The following THSD4 variants were observed in gnomAD, a reference collection of about 807,000 sequenced individuals.
THSD4 encodes the protein thrombospondin type 1 domain containing 4, also known as thrombospondin type-1 domain-containing protein 4.
THSD4 carries 69 observed loss-of-function variants against 119.0 expected under a neutral mutation model. The ratio of observed to expected loss-of-function variants is 0.58; its 90% CI spans 0.48 to 0.71. The LOEUF is 0.71. Ranked by LOEUF, THSD4 falls within the 30% of genes least tolerant of loss-of-function variation. The pLI is 0.00. For synonymous variants in THSD4, 524 were observed against 540.4 expected, an observed-to-expected ratio of 0.97 and a Z score of 0.42; for missense variants, 1,393 against 1,391.1, an observed-to-expected ratio of 1.00 and a Z score of -0.02.
chr15:71,254,939 G>A (rs970802854), intron 5 of THSD4, among the ~76,000 whole-genome samples: 3 of 152,098 alleles, frequency 2.0e-5, no homozygotes, highest in African/African-American at 2.4e-5. Context: ...CATATGGTTC[G>A]GCTCAGGCCA....
chr15:71,586,379 G>A (rs1031360847), intron 7 of THSD4, among the ~76,000 whole-genome samples: 1 of 152,136 alleles, frequency 6.6e-6, no homozygotes, highest in Non-Finnish European at 1.5e-5. Context: ...CTGAAATCAA[G>A]GCATTTACCA....
intron 3 of THSD4, among the ~76,000 whole-genome samples, chr15:71,199,879 G>GCT (rs2043780772): frequency 3.8e-4 from 19 of 49,450 alleles, no homozygotes; most frequent in South Asian, 9.6e-4. Flanking sequence ...GTGTGTGTGT[G>GCT]GTGCATGTGT....
chr15:71,672,472 C>T (rs1230244348), intron 8 of THSD4, among the ~76,000 whole-genome samples: 1 of 152,136 alleles, frequency 6.6e-6, no homozygotes, highest in Non-Finnish European at 1.5e-5. Flanking sequence ...ATTGAATACC[C>T]TTTTATTTCT....
intron 7 of THSD4, among the ~76,000 whole-genome samples, chr15:71,543,315 C>A (rs1425946833): frequency 6.6e-6 from 1 of 152,018 alleles, no homozygotes; most frequent in Non-Finnish European, 1.5e-5. Flanking sequence ...TTTAGAAGAT[C>A]CCAGTGGCTG....
At chr15:71,473,358 C>T (rs930748737) in intron 7 of THSD4, among the ~76,000 whole-genome samples, 8 of 152,118 alleles carry the variant, frequency 5.3e-5, no homozygotes, top group African/African-American at 1.9e-4. Flanking sequence ...GTGCCTGGCC[C>T]AGCTTTGAGA....
intron 6 of THSD4, among the ~76,000 whole-genome samples, chr15:71,297,315 C>CTTTTTTTTTTTTT (rs772196153): frequency 1.0e-4 from 14 of 137,686 alleles, no homozygotes; most frequent in African/African-American, 2.4e-4. Context: ...CTCTCCTCTT[C>CTTTTTTTTTTTTT]TTTTTTTTGT....
chr15:71,669,182 T>C (rs2141010482), intron 8 of THSD4, among the ~76,000 whole-genome samples: 1 of 152,350 alleles, frequency 6.6e-6, no homozygotes, highest in South Asian at 2.1e-4. Flanking sequence ...ATAAGTGTAC[T>C]TAATTCTTAC....
intron 6 of THSD4, among the ~76,000 whole-genome samples, chr15:71,409,505 T>A (rs1301165300): frequency 6.6e-6 from 1 of 152,216 alleles, no homozygotes; most frequent in African/African-American, 2.4e-5. Context: ...ATGATTTCGT[T>A]TGAAATAAAT....
intron 1 of THSD4, among the ~76,000 whole-genome samples, chr15:71,106,100 G>A (rs2040273324): frequency 6.6e-6 from 1 of 152,210 alleles, no homozygotes; most frequent in African/African-American, 2.4e-5. Flanking sequence ...CCAGACTTAG[G>A]TGGCATAAAG....
At chr15:71,299,976 A>AATATATATATATATATATATATAT (rs1185451144) in intron 6 of THSD4, among the ~76,000 whole-genome samples, 5 of 48,306 alleles carry the variant, frequency 1.0e-4, no homozygotes, top group African/African-American at 3.9e-4. Flanking sequence ...AAAAAAAAAA[A>AATATATATATATATATATATATAT]ATATATATAT....
At chr15:71,615,560 C>T (rs1490673526) in intron 7 of THSD4, among the ~76,000 whole-genome samples, 1 of 152,052 alleles carries the variant, frequency 6.6e-6, no homozygotes, top group South Asian at 2.1e-4. Flanking sequence ...TACTTCTTTT[C>T]CCATTATCTT....
At chr15:71,728,877 G>A (rs954093672) in intron 9 of THSD4, 153 bp downstream of exon 9, 31 of 954,336 alleles carry the variant, frequency 3.2e-5, no homozygotes, top group Admixed American at 8.3e-5. Flanking sequence ...AATGCTTGGC[G>A]TTCATCTTTG....
intron 7 of THSD4, among the ~76,000 whole-genome samples, chr15:71,494,986 C>T (rs1291281588): frequency 1.3e-5 from 2 of 152,160 alleles, no homozygotes; most frequent in African/African-American, 2.4e-5. Context: ...TAATGGTCCA[C>T]GCACCTCCCA....
At chr15:71,167,745 AT>A (rs1482809480) in intron 3 of THSD4, among the ~76,000 whole-genome samples, 2 of 152,228 alleles carry the variant, frequency 1.3e-5, no homozygotes, top group East Asian at 1.9e-4. Flanking sequence ...AACATTATTA[AT>A]TTGTGTACAC....
chr15:71,306,089 C>G (rs957094850), intron 6 of THSD4, among the ~76,000 whole-genome samples: 1 of 151,966 alleles, frequency 6.6e-6, no homozygotes, highest in Non-Finnish European at 1.5e-5. Flanking sequence ...GGGCAGATCA[C>G]GAGGTCAGGA....
At chr15:71,535,016 TCATTTTTTTA>T (rs1422025345) in intron 7 of THSD4, among the ~76,000 whole-genome samples, 1 of 152,346 alleles carries the variant, frequency 6.6e-6, no homozygotes, top group East Asian at 1.9e-4. Context: ...TTCACTGATT[TCATTTTTTTA>T]GTATATTTAT....
intron 14 of THSD4, among the ~76,000 whole-genome samples, chr15:71,754,647 G>A (rs896574610): frequency 6.6e-5 from 10 of 152,180 alleles, no homozygotes; most frequent in African/African-American, 2.4e-4. Context: ...AAAAATGTCT[G>A]CAAACCTGTA....
intron 1 of THSD4, among the ~76,000 whole-genome samples, chr15:71,104,516 ACT>A (rs1222295900): frequency 6.6e-6 from 1 of 152,126 alleles, no homozygotes; most frequent in East Asian, 1.9e-4. Flanking sequence ...GAAAAACCAA[ACT>A]CTGAAAATAT....
chr15:71,199,838 G>GC (rs1186852668), intron 3 of THSD4, among the ~76,000 whole-genome samples: 206 of 147,252 alleles, frequency 1.4e-3, no homozygotes, highest in African/African-American at 4.7e-3. Context: ...GTGTGTGTGT[G>GC]TGTGCTGTGT....
Sources: gnomAD v4.1 joint callset for allele counts (sites outside exome capture counted in the v4.1 genomes callset) on GRCh38, gnomAD v4.1.1 for gene constraint, MANE v1.5 for transcripts, NCBI Gene and HGNC (gene_info 2026-07-23, HGNC 2026-07-21) for gene names.